Variants in DNAH7 observed in about 807,000 individuals in gnomAD.
The protein encoded by DNAH7 is dynein axonemal heavy chain 7.
Under a neutral mutation model 444.6 loss-of-function variants are expected in DNAH7, and 397 were observed. That is an observed-to-expected ratio of 0.89 (90% CI 0.82 to 0.97). The LOEUF is 0.97. Ranked by LOEUF, DNAH7 falls within the 50% of genes least tolerant of loss-of-function variation. The probability of loss-of-function intolerance (pLI) is 0.00; values close to 1 mark genes in which losing one functional copy is unlikely to be tolerated. For missense variants in DNAH7, 4,902 were observed against 4,800.8 expected (o/e 1.02, Z -0.62); for synonymous variants, 1,636 against 1,624.4 (o/e 1.01, Z -0.17).
At position 195,796,650 on chromosome 2, in the gene DNAH7, C is replaced by G; in HGVS notation, c.10441G>C (p.Glu3481Gln). ...TTCTGAAGAACAACCCATGTTCCTT[C>G]CTTGACAGCTTTTTCTAACATCTTC... The part of the protein sequence containing the change: ...AMKMLEKAVK[E>Q]GTWVVLQNCH... The change falls in exon 56 of 65, where the codon GAA becomes CAA. Residue 3481 changes from glutamate (E) to glutamine (Q), a missense_variant. Physicochemically the swap from Glu to Gln is conservative, Grantham distance 29 (BLOSUM62 2). Transcript: ENST00000312428. The G allele has an allele frequency of 6.2e-7, 1 of 1,614,162 alleles. No individual in the cohort carries two copies.
chr2:196,059,480 A>G (rs1575122121), intron 1 of DNAH7, among the ~76,000 whole-genome samples: 2 of 152,316 alleles, frequency 1.3e-5, no homozygotes, highest in South Asian at 4.1e-4. Flanking sequence ...ACATTATAAC[A>G]TTTCTCCTTT....
At chr2:195,881,429 A>C (rs1701369918) in intron 36 of DNAH7, among the ~76,000 whole-genome samples, 1 of 152,254 alleles carries the variant, frequency 6.6e-6, no homozygotes, top group South Asian at 2.1e-4. Context: ...GTTACTACAT[A>C]ATAATCCTTC....
rs574055013 is a variant in DNAH7 at position 195,792,509 on chromosome 2, T to C, written c.10716+1829A>G. Reference sequence around the variant, plus strand: ...AAAAGACAAAGAAAGAATAGGAAAATGTGCCAGATTAAAAGAGACAAAAGA... The same window carrying C: ...AAAAGACAAAGAAAGAATAGGAAAACGTGCCAGATTAAAAGAGACAAAAGA... On this transcript the variant is annotated intron_variant, in intron 57 of 64. Transcript: ENST00000312428. Among the ~76,000 whole-genome samples, 13 of 142,104 alleles carry C rather than the reference T, an allele frequency of 9.1e-5. No individual in the cohort carries two copies. In the East Asian group the frequency reaches 2.7e-3, roughly 30 times the overall value. 93.2% of individuals were successfully genotyped at this position (142,104 alleles called of 152,430 possible).
intron 58 of DNAH7, among the ~76,000 whole-genome samples, chr2:195,784,494 C>G (rs750159205): frequency 3.3e-5 from 5 of 152,202 alleles, no homozygotes; most frequent in African/African-American, 7.2e-5. Flanking sequence ...TTTATCCATT[C>G]ACCTACTAAA....
intron 49 of DNAH7, among the ~76,000 whole-genome samples, chr2:195,818,503 T>C (rs1434207489): frequency 6.6e-6 from 1 of 152,196 alleles, no homozygotes; most frequent in Non-Finnish European, 1.5e-5. Context: ...CATGCAAACA[T>C]GCTGAGGACT....
chr2:195,830,214 T>G (rs1364750168), intron 48 of DNAH7, among the ~76,000 whole-genome samples: 3 of 152,184 alleles, frequency 2.0e-5, no homozygotes, highest in Non-Finnish European at 4.4e-5. Flanking sequence ...TCACAGTATT[T>G]GCAAAGCTTA....
intron 8 of DNAH7, 151 bp downstream of exon 8, chr2:196,024,278 T>A (rs1695546402): frequency 2.2e-6 from 1 of 464,356 alleles, no homozygotes; most frequent in South Asian, 7.5e-5. Context: ...TGCAATAAGA[T>A]GAGGCATGCC....
At chr2:195,841,405 A>T (rs1698676719) in intron 47 of DNAH7, among the ~76,000 whole-genome samples, 1 of 151,898 alleles carries the variant, frequency 6.6e-6, no homozygotes, top group South Asian at 2.1e-4. Flanking sequence ...TTTTATCCAA[A>T]GACAGGATGT....
chr2:195,994,820 G>A, intron 12 of DNAH7: 1 of 443,774 alleles, frequency 2.3e-6, no homozygotes, highest in South Asian at 2.0e-5. Flanking sequence ...CTTTGGATCA[G>A]TTCATCTAAT....
chr2:196,028,120 A>C, intron 5 of DNAH7, 73 bp from the exon 6 acceptor site: 1 of 1,130,770 alleles, frequency 8.8e-7, no homozygotes, highest in Non-Finnish European at 1.3e-6. Flanking sequence ...GGATATAGGA[A>C]CACCAGGACT....
At chr2:196,028,812 A>G (rs1695852781) in intron 5 of DNAH7, among the ~76,000 whole-genome samples, 1 of 152,178 alleles carries the variant, frequency 6.6e-6, no homozygotes, top group African/African-American at 2.4e-5. Context: ...ACACCTTCCC[A>G]CTAACTGCCC....
At position 195,794,430 on chromosome 2, in the gene DNAH7, C is replaced by T; in HGVS notation, c.10624G>A (p.Glu3542Lys). 6.2e-7 allele frequency: 1 copy of T among 1,614,132 alleles called. No individual in the cohort carries two copies. Among genetic ancestry groups the T allele is most frequent in the Non-Finnish European group, 8.5e-7 (1 of 1,180,008 alleles). ...TTAGCCCGTAAACCTTTTGGTGCTT[C>T]ATTGGTCATTTTCACTCCATTCTGC... ...VLQNGVKMTN[E>K]APKGLRANII... Residue 3542 changes from glutamate (E) to lysine (K), a missense_variant, in exon 57 of 65, where the codon GAA becomes AAA. Transcript: ENST00000312428.
intron 36 of DNAH7, among the ~76,000 whole-genome samples, chr2:195,879,268 TAAA>T (rs1025437300): frequency 6.6e-6 from 1 of 151,928 alleles, no homozygotes; most frequent in African/African-American, 2.4e-5. Flanking sequence ...CAGAAATACT[TAAA>T]AAGAATAAGC....
intron 19 of DNAH7, among the ~76,000 whole-genome samples, chr2:195,954,243 G>A (rs1462128383): frequency 2.6e-5 from 4 of 152,026 alleles, no homozygotes; most frequent in Admixed American, 6.6e-5. Context: ...TGTTCTCACT[G>A]TTCAATTCCC....
chr2:195,935,745 A>C (rs997205356), intron 20 of DNAH7, among the ~76,000 whole-genome samples: 1 of 152,182 alleles, frequency 6.6e-6, no homozygotes, highest in Non-Finnish European at 1.5e-5. Context: ...TATGGTGGTC[A>C]GGGAGGGCCT....
At chr2:196,023,307 G>A (rs765416556) in intron 8 of DNAH7, among the ~76,000 whole-genome samples, 12 of 152,088 alleles carry the variant, frequency 7.9e-5, no homozygotes, top group Non-Finnish European at 1.6e-4. Context: ...TGTCAAGCAG[G>A]TGCCAGCAAC....
In DNAH7 at chr2:195,960,699, G is replaced by A. The variant is rs1446533126; in HGVS notation, c.2452C>T (p.Pro818Ser). 1.2e-6 allele frequency: 2 copies of A among 1,614,052 alleles called. No homozygotes were observed. Residue 818 changes from proline (P) to serine (S), a missense_variant, in exon 18 of 65, where the codon CCA becomes TCA. Pro to Ser is a moderately conservative substitution (Grantham distance 74, BLOSUM62 -1). Coordinates refer to ENST00000312428, the MANE Select transcript of DNAH7 (RefSeq NM_018897.3). The stretch of plus-strand genomic sequence containing the variant: ...TTTTTTGTCATTGCCAATGCATATG[G>A]AGAATCATGAAAGGTTTTCTCCAGT... ...YKLEKTFHDSPYALAMTKKVR... is the reference protein window; with the variant it reads ...YKLEKTFHDSSYALAMTKKVR...
intron 12 of DNAH7, among the ~76,000 whole-genome samples, chr2:195,989,506 G>T (rs1693157296): frequency 6.6e-6 from 1 of 152,098 alleles, no homozygotes; most frequent in Admixed American, 6.6e-5. Context: ...TAAATGTCTT[G>T]TCAGGTTTTC....
chr2:196,014,481 T>C (rs1694897963), intron 9 of DNAH7, among the ~76,000 whole-genome samples: 1 of 152,088 alleles, frequency 6.6e-6, no homozygotes, highest in Non-Finnish European at 1.5e-5. Context: ...AGAAGTGAAT[T>C]TCTGTAGACC....
Sources: gnomAD v4.1 joint callset for allele counts (sites outside exome capture counted in the v4.1 genomes callset) on GRCh38, gnomAD v4.1.1 for gene constraint, MANE v1.5 for transcripts, NCBI Gene and HGNC (gene_info 2026-07-23, HGNC 2026-07-21) for gene names.